Variants in ARB2A observed in about 807,000 individuals in gnomAD.
The protein encoded by ARB2A is cotranscriptional regulator ARB2A.
the ARB2A span, among the ~76,000 whole-genome samples, chr5:93,840,562 C>A: frequency 6.6e-6 from 1 of 152,062 alleles, no homozygotes; most frequent in Non-Finnish European, 1.5e-5. Context: ...TTCTATCACC[C>A]ATATGTATCC....
chr5:93,902,629 T>C, the ARB2A span, among the ~76,000 whole-genome samples: 3 of 152,094 alleles, frequency 2.0e-5, no homozygotes, highest in Non-Finnish European at 4.4e-5. Context: ...TGAGAGAAAG[T>C]TGGGTGAAGA....
the ARB2A span, among the ~76,000 whole-genome samples, chr5:94,077,370 C>T: frequency 2.7e-4 from 39 of 147,144 alleles, no homozygotes; most frequent in African/African-American, 8.7e-4. Flanking sequence ...GAGACTCTGT[C>T]TCAAAAAAAA....
the ARB2A span, among the ~76,000 whole-genome samples, chr5:94,011,976 G>A: frequency 2.0e-5 from 3 of 147,970 alleles, no homozygotes; most frequent in South Asian, 2.1e-4. Context: ...CAAAGGACAC[G>A]GAAAATGAGC....
At chr5:93,732,302 T>C in the ARB2A span, among the ~76,000 whole-genome samples, 2 of 152,258 alleles carry the variant, frequency 1.3e-5, no homozygotes, top group African/African-American at 2.4e-5. Context: ...AGCTCATTTA[T>C]ATTCATTTGG....
the ARB2A span, among the ~76,000 whole-genome samples, chr5:93,709,297 CAACTT>C: frequency 6.6e-6 from 1 of 152,000 alleles, no homozygotes; most frequent in South Asian, 2.1e-4. Context: ...AATTCTTTCT[CAACTT>C]AATTTAAATC....
At chr5:93,873,311 G>A in the ARB2A span, among the ~76,000 whole-genome samples, 3 of 18,080 alleles carry the variant, frequency 1.7e-4, no homozygotes, top group African/African-American at 2.2e-4. Flanking sequence ...AGGGGGGGGG[G>A]AAAGAAAGGA....
chr5:93,867,606 C>T, the ARB2A span, among the ~76,000 whole-genome samples: 23 of 151,922 alleles, frequency 1.5e-4, no homozygotes, highest in African/African-American at 5.1e-4. Flanking sequence ...TGAGTAGAGA[C>T]GGGGTTTCAC....
chr5:93,912,694 T>C, the ARB2A span, among the ~76,000 whole-genome samples: 1 of 151,976 alleles, frequency 6.6e-6, no homozygotes, highest in African/African-American at 2.4e-5. Flanking sequence ...ATTGCCCAAA[T>C]ACCATACTTG....
the ARB2A span, among the ~76,000 whole-genome samples, chr5:93,942,712 A>G: frequency 6.6e-6 from 1 of 151,734 alleles, no homozygotes. Flanking sequence ...TATTAAAGTA[A>G]AACCTACTCA....
At chr5:93,774,983 TC>T in the ARB2A span, among the ~76,000 whole-genome samples, 7 of 152,076 alleles carry the variant, frequency 4.6e-5, no homozygotes, top group African/African-American at 1.7e-4. Flanking sequence ...ATAATGAAAA[TC>T]AATTGTATAA....
At chr5:94,042,884 G>A in the ARB2A span, among the ~76,000 whole-genome samples, 6 of 152,008 alleles carry the variant, frequency 3.9e-5, no homozygotes, top group Non-Finnish European at 5.9e-5. Flanking sequence ...TGTGTAAGAT[G>A]CCTATAATTC....
chr5:94,007,321 C>G, the ARB2A span, among the ~76,000 whole-genome samples: 2 of 151,988 alleles, frequency 1.3e-5, no homozygotes, highest in African/African-American at 4.8e-5. Context: ...GCAATAGTTG[C>G]AATAAAAAAT....
the ARB2A span, among the ~76,000 whole-genome samples, chr5:93,775,454 C>A: frequency 1.4e-4 from 22 of 152,214 alleles, no homozygotes; most frequent in African/African-American, 5.3e-4. Context: ...AGAAAGCTAA[C>A]AAATGTCACT....
chr5:93,844,591 T>A, the ARB2A span, among the ~76,000 whole-genome samples: 1 of 152,082 alleles, frequency 6.6e-6, no homozygotes, highest in Admixed American at 6.6e-5. Flanking sequence ...CTGGGAGATA[T>A]GGACATTTAA....
chr5:93,681,014 A>C, the ARB2A span, among the ~76,000 whole-genome samples: 2 of 152,300 alleles, frequency 1.3e-5, 1 homozygote, highest in South Asian at 4.1e-4. Flanking sequence ...TTTATCTGCA[A>C]ATAAGTTTGT....
the ARB2A span, among the ~76,000 whole-genome samples, chr5:93,759,033 CA>C: frequency 6.6e-6 from 1 of 151,894 alleles, no homozygotes; most frequent in Admixed American, 6.6e-5. Flanking sequence ...AGAAAAAATC[CA>C]AATAACCTCA....
At chr5:94,066,079 A>T in the ARB2A span, among the ~76,000 whole-genome samples, 1 of 152,204 alleles carries the variant, frequency 6.6e-6, no homozygotes, top group Non-Finnish European at 1.5e-5. Flanking sequence ...ATGGAAACTA[A>T]ACTTGCTTCT....
At chr5:93,856,361 A>G in the ARB2A span, among the ~76,000 whole-genome samples, 1 of 152,124 alleles carries the variant, frequency 6.6e-6, no homozygotes, top group Non-Finnish European at 1.5e-5. Context: ...CTCCTGGATA[A>G]TATCCTGCAG....
chr5:93,843,466 G>A, the ARB2A span, among the ~76,000 whole-genome samples: 1 of 141,734 alleles, frequency 7.1e-6, no homozygotes, highest in African/African-American at 2.7e-5. Context: ...CTGTCACCCA[G>A]GCTGGTGTGC....
Sources: allele counts gnomAD v4.1 joint callset (sites outside exome capture counted in the v4.1 genomes callset), GRCh38; gene constraint gnomAD v4.1.1; transcripts MANE v1.5; gene names NCBI Gene and HGNC (gene_info 2026-07-23, HGNC 2026-07-21).